The following TMEM161B variants were observed in gnomAD, a reference collection of about 807,000 sequenced individuals.
TMEM161B encodes the protein transmembrane protein 161B.
In TMEM161B, 34 loss-of-function variants were observed where a neutral mutation model predicts 61.8. The ratio of observed to expected loss-of-function variants is 0.55; its 90% CI spans 0.42 to 0.73. The LOEUF is 0.73. Among genes scored for constraint, TMEM161B ranks in the 30% least tolerant of loss-of-function variants. The pLI is 0.00. For missense variants in TMEM161B, 456 were observed against 558.5 expected, an observed-to-expected ratio of 0.82 and a Z score of 1.85; for synonymous variants, 167 against 192.8, an observed-to-expected ratio of 0.87 and a Z score of 1.11.
At chr5:88,261,730 CAAAAAAAAAA>C (rs70996464) in intron 1 of TMEM161B, among the ~76,000 whole-genome samples, 11 of 49,306 alleles carry the variant, frequency 2.2e-4, no homozygotes, top group African/African-American at 5.4e-4. Flanking sequence ...CATTCATGTG[CAAAAAAAAAA>C]AAAAAAAAAA....
intron 5 of TMEM161B, among the ~76,000 whole-genome samples, chr5:88,215,490 G>C (rs1747663040): frequency 1.8e-5 from 1 of 54,570 alleles, no homozygotes; most frequent in Admixed American, 2.0e-4. Context: ...CATGCTACAG[G>C]TTTGAACAAA....
chr5:88,225,733 G>C (rs1353954136), intron 4 of TMEM161B, 36 bp downstream of exon 4: 1 of 1,360,310 alleles, frequency 7.4e-7, no homozygotes, highest in East Asian at 2.3e-5. Context: ...ATATAAAACT[G>C]AGATTTATAG....
At chr5:88,233,035 C>T (rs1228027696) in intron 2 of TMEM161B, among the ~76,000 whole-genome samples, 3 of 152,148 alleles carry the variant, frequency 2.0e-5, no homozygotes, top group Non-Finnish European at 4.4e-5. Context: ...TAAGGATGCT[C>T]GATACTTTTA....
chr5:88,212,691 T>C (rs1255465156), intron 5 of TMEM161B, among the ~76,000 whole-genome samples: 1 of 152,042 alleles, frequency 6.6e-6, no homozygotes, highest in East Asian at 1.9e-4. Context: ...TAGCCAGGCT[T>C]GGTGGCACGT....
At chr5:88,267,909 C>G (rs555550067) in intron 1 of TMEM161B, among the ~76,000 whole-genome samples, 1 of 152,102 alleles carries the variant, frequency 6.6e-6, no homozygotes, top group Non-Finnish European at 1.5e-5. Flanking sequence ...GAATTTTGTC[C>G]TTCCCTCAGT....
intron 1 of TMEM161B, among the ~76,000 whole-genome samples, chr5:88,243,132 T>C (rs380670): frequency 0.71 from 108,186 of 151,510 alleles, 38,730 homozygotes; most frequent in South Asian, 0.77. Context: ...TGCAGGTTTG[T>C]TATATAGGTA....
chr5:88,209,326 T>G (rs553665729), intron 5 of TMEM161B, among the ~76,000 whole-genome samples: 1 of 152,350 alleles, frequency 6.6e-6, no homozygotes, highest in South Asian at 2.1e-4. Flanking sequence ...AACACTGCTT[T>G]ATTTTTACTG....
At chr5:88,186,417 G>A (rs1748359836), downstream of TMEM161B, among the ~76,000 whole-genome samples, 1 of 152,152 alleles carries the variant, frequency 6.6e-6, no homozygotes, top group Non-Finnish European at 1.5e-5. Flanking sequence ...CGAATTGCTA[G>A]AGGTTGAACA....
rs779327821 is a variant in TMEM161B at position 88,206,495 on chromosome 5, A to G, written c.603T>C (p.Phe201=). The G allele has an allele frequency of 6.9e-6, 11 of 1,591,500 alleles. No homozygotes were observed. Among genetic ancestry groups the G allele is most frequent in the Non-Finnish European group, 9.4e-6 (11 of 1,169,650 alleles). ...NYLEFGLETG[F]TNFSDSAMQF... ...GCATCGCACTGTCTGAAAAATTTGT[A>G]AACCCTGTGGGGGAAAAAAAAAAAA... The change falls in exon 7 of 12, where the codon TTT becomes TTC. Residue 201 remains phenylalanine, a synonymous_variant. Coordinates refer to ENST00000296595, the MANE Select transcript of TMEM161B (RefSeq NM_153354.5).
At chr5:88,265,641 T>A (rs1478879582) in intron 1 of TMEM161B, among the ~76,000 whole-genome samples, 2 of 152,158 alleles carry the variant, frequency 1.3e-5, no homozygotes, top group Non-Finnish European at 2.9e-5. Flanking sequence ...CCCAACCTGC[T>A]CTCAGTTAGA....
At chr5:88,263,082 TTTGC>T (rs1755893579) in intron 1 of TMEM161B, among the ~76,000 whole-genome samples, 1 of 152,152 alleles carries the variant, frequency 6.6e-6, no homozygotes, top group Admixed American at 6.5e-5. Context: ...GTATGAGCTC[TTTGC>T]TTGCTTTTTA....
intron 1 of TMEM161B, among the ~76,000 whole-genome samples, chr5:88,251,484 ATT>A (rs1754337328): frequency 6.6e-6 from 1 of 152,054 alleles, no homozygotes; most frequent in African/African-American, 2.4e-5. Flanking sequence ...AACAGGGGGG[ATT>A]AGTTTTAGGA....
At chr5:88,215,807 A>G (rs1747725197) in intron 5 of TMEM161B, among the ~76,000 whole-genome samples, 1 of 152,328 alleles carries the variant, frequency 6.6e-6, no homozygotes, top group Non-Finnish European at 1.5e-5. Context: ...TTACTCACAT[A>G]AACAATATGA....
At chr5:88,213,281 AT>A (rs2112471577) in intron 5 of TMEM161B, among the ~76,000 whole-genome samples, 2 of 152,268 alleles carry the variant, frequency 1.3e-5, no homozygotes, top group African/African-American at 4.8e-5. Context: ...AGTCTTAAAA[AT>A]AATCTGATCC....
intron 6 of TMEM161B, 39 bp from the exon 7 acceptor site, chr5:88,206,538 T>C: frequency 6.8e-7 from 1 of 1,476,502 alleles, no homozygotes; most frequent in South Asian, 1.3e-5. Context: ...ATTACTCTTA[T>C]CACAAATGTG....
At chr5:88,190,956 ATT>A (rs1339532697), downstream of TMEM161B, among the ~76,000 whole-genome samples, 3 of 152,190 alleles carry the variant, frequency 2.0e-5, no homozygotes, top group African/African-American at 7.2e-5. Context: ...CTAAAAACAT[ATT>A]GTTTTAACCT....
intron 2 of TMEM161B, 116 bp downstream of exon 2, chr5:88,240,697 G>C: frequency 1.2e-6 from 1 of 841,236 alleles, no homozygotes; most frequent in Non-Finnish European, 1.9e-6. Flanking sequence ...AAGAAAGCTA[G>C]ATTTTTCTTA....
At chr5:88,228,600 T>C (rs1285146585) in intron 2 of TMEM161B, 72 bp from the exon 3 acceptor site, 7 of 1,103,882 alleles carry the variant, frequency 6.3e-6, no homozygotes, top group Non-Finnish European at 9.0e-6. Context: ...CTATAAATAT[T>C]TATTAAGTTT....
At chr5:88,249,518 T>A (rs1356167793) in intron 1 of TMEM161B, among the ~76,000 whole-genome samples, 10 of 152,172 alleles carry the variant, frequency 6.6e-5, no homozygotes. Context: ...GTAGTTCCAA[T>A]GGCAACTCAA....
Sources: gnomAD v4.1 joint callset for allele counts (sites outside exome capture counted in the v4.1 genomes callset) on GRCh38, gnomAD v4.1.1 for gene constraint, MANE v1.5 for transcripts, NCBI Gene and HGNC (gene_info 2026-07-23, HGNC 2026-07-21) for gene names.